The following ATP2A2 variants were observed in gnomAD, a reference collection of about 807,000 sequenced individuals.
ATP2A2 encodes ATPase sarcoplasmic/endoplasmic reticulum Ca2+ transporting 2, also known as sarcoplasmic/endoplasmic reticulum calcium ATPase 2.
In ATP2A2, 14 loss-of-function variants were observed where a neutral mutation model predicts 109.3. The ratio of observed to expected loss-of-function variants is 0.13; its 90% CI spans 0.08 to 0.20. ATP2A2 has a LOEUF of 0.20. Ranked by LOEUF, ATP2A2 falls within the 10% of genes least tolerant of loss-of-function variation. ATP2A2 has a pLI of 1.00. For synonymous variants in ATP2A2, 506 were observed against 490.9 expected (o/e 1.03, Z -0.41); for missense variants, 657 against 1,321.6 (o/e 0.50, Z 7.80).
chr12:110,320,029 G>C (rs866831712), intron 5 of ATP2A2, among the ~76,000 whole-genome samples: 1 of 152,080 alleles, frequency 6.6e-6, no homozygotes, highest in Non-Finnish European at 1.5e-5. Flanking sequence ...AGCATTTTGG[G>C]TAAGGGATAC....
chr12:110,311,819 C>A (rs187836066), intron 5 of ATP2A2, among the ~76,000 whole-genome samples: 1 of 151,304 alleles, frequency 6.6e-6, no homozygotes, highest in East Asian at 1.9e-4. Flanking sequence ...AGGAGGATCA[C>A]TTGAGCCCAG....
intron 5 of ATP2A2, among the ~76,000 whole-genome samples, chr12:110,311,595 CAAAAAAAAAAAAAAA>C (rs67023919): frequency 2.8e-4 from 7 of 25,222 alleles, no homozygotes; most frequent in East Asian, 2.4e-3. Context: ...GACTCCATCT[CAAAAAAAAAAAAAAA>C]AAAAAAAAAA....
chr12:110,288,822 T>C (rs1180441233), intron 3 of ATP2A2, among the ~76,000 whole-genome samples: 1 of 152,228 alleles, frequency 6.6e-6, no homozygotes, highest in Non-Finnish European at 1.5e-5. Context: ...TGAACTCACA[T>C]TACTATAGTA....
At chr12:110,313,182 C>A (rs906151402) in intron 5 of ATP2A2, among the ~76,000 whole-genome samples, 1 of 152,098 alleles carries the variant, frequency 6.6e-6, no homozygotes, top group African/African-American at 2.4e-5. Flanking sequence ...CTGTAATCAC[C>A]TCCTCTCTAC....
In ATP2A2 at chr12:110,282,730, C is replaced by T; in HGVS notation, c.154C>T (p.Leu52Phe). Residue 52 changes from leucine (L) to phenylalanine (F), a missense_variant, in exon 3 of 20, where the codon CTT (leucine) becomes TTT (phenylalanine). Physicochemically the swap from Leu to Phe is conservative, Grantham distance 22 (BLOSUM62 0). Coordinates refer to ENST00000539276, the MANE Select transcript of ATP2A2 (RefSeq NM_170665.4). ...PAEEGKTLLE[L>F]VIEQFEDLLV... is the part of the protein sequence containing the mutation. Reference sequence around the variant, plus strand: ...TCTTACAGGAAAAACCTTGCTGGAACTTGTGATTGAGCAGTTTGAAGACTT... The same window carrying T: ...TCTTACAGGAAAAACCTTGCTGGAATTTGTGATTGAGCAGTTTGAAGACTT... The T allele has an allele frequency of 6.2e-7, 1 of 1,614,026 alleles. No individual in the cohort carries two copies. The highest frequency in any genetic ancestry group is 1.1e-5 in the South Asian group (1 of 91,080).
At position 110,319,223 on chromosome 12, in the gene ATP2A2, GAAAAAAAAAA is replaced by G. The variant is rs59623372; in HGVS notation, c.464-3755_464-3746del. Reference sequence around the variant, plus strand: ...GACCCTGTCTGTAAGAATAAAAAATGAAAAAAAAAAAAAAAAAAAAAAAGTGGATTCCTAG... The same window carrying G: ...GACCCTGTCTGTAAGAATAAAAAATGAAAAAAAAAAAAAGTGGATTCCTAG... On this transcript the variant is annotated intron_variant, in intron 5 of 19. Transcript: ENST00000539276. Among the ~76,000 whole-genome samples the G allele has an allele frequency of 3.2e-3, 204 of 63,442 alleles. 1 individual carries two copies. Among genetic ancestry groups the G allele is most frequent in the Non-Finnish European group, 4.2e-3 (142 of 33,840 alleles). The allele number at this position is 63,442 out of a possible 152,430, so 41.6% of individuals were successfully genotyped here.
In ATP2A2 at chr12:110,349,815, T is replaced by C; in HGVS notation, c.*3345T>C. The C allele has an allele frequency of 9.6e-7, 1 of 1,038,014 alleles. No individual in the cohort carries two copies. The highest frequency in any genetic ancestry group is 1.2e-6 in the Non-Finnish European group (1 of 861,282). The allele number at this position is 1,038,014 out of a possible 1,614,324, so 64.3% of individuals were successfully genotyped here. A position where few individuals can be genotyped will look rare whatever the true frequency, so the allele number is the denominator to read the frequency against. ...AAGAAGGGTAGGCTTCACCCTCCTT[T>C]ACTGAGGAGAATGATGCGGAGGAGT... On this transcript the variant is annotated 3_prime_UTR_variant, in exon 20 of 20. Transcript: ENST00000539276.
chr12:110,300,643 C>CTTTT (rs537191134), intron 5 of ATP2A2, among the ~76,000 whole-genome samples: 3 of 131,236 alleles, frequency 2.3e-5, no homozygotes, highest in Middle Eastern at 4.2e-3. Flanking sequence ...CATGCCCGGC[C>CTTTT]TTTTTTTTTT....
At position 110,281,750 on chromosome 12, in the gene ATP2A2, C is replaced by T. The variant is rs999674595; in HGVS notation, c.-40C>T. On this transcript the variant is annotated 5_prime_UTR_variant, in exon 1 of 20. Transcript: ENST00000539276. ...GAGTGCGAGGCGGAGGCGAGGAGGC[C>T]GCGGGGACGGGAGGCGAGGCCGGCC... 5.6e-6 allele frequency: 8 copies of T among 1,417,324 alleles called. No individual in the cohort carries two copies. Among genetic ancestry groups the T allele is most frequent in the Admixed American group, 2.6e-5 (1 of 38,686 alleles). The allele number at this position is 1,417,324 out of a possible 1,614,324, so 87.8% of individuals were successfully genotyped here.
At chr12:110,325,962 G>A (rs1270023124) in intron 6 of ATP2A2, 5 of 198,352 alleles carry the variant, frequency 2.5e-5, no homozygotes, top group Admixed American at 1.6e-4. Context: ...CACCAGCCCG[G>A]GTGATAGAGC....
At chr12:110,325,259 T>G (rs2137809371) in intron 6 of ATP2A2, among the ~76,000 whole-genome samples, 1 of 152,310 alleles carries the variant, frequency 6.6e-6, no homozygotes, top group East Asian at 1.9e-4. Flanking sequence ...AGAGTGAAGT[T>G]TGCTACCTGT....
At chr12:110,303,437 A>C (rs1252430792) in intron 5 of ATP2A2, among the ~76,000 whole-genome samples, 1 of 151,638 alleles carries the variant, frequency 6.6e-6, no homozygotes. Context: ...TTTTGAGACG[A>C]GTCTCGCTCT....
At chr12:110,298,199 T>G (rs1045990688) in intron 5 of ATP2A2, among the ~76,000 whole-genome samples, 14 of 152,332 alleles carry the variant, frequency 9.2e-5, no homozygotes, top group Admixed American at 9.2e-4. Context: ...TCTACAACTT[T>G]GGCCTCTGAA....
intron 4 of ATP2A2, among the ~76,000 whole-genome samples, chr12:110,293,688 G>T (rs1425787349): frequency 5.3e-5 from 8 of 151,420 alleles, no homozygotes; most frequent in African/African-American, 1.9e-4. Flanking sequence ...GAGCCACCAC[G>T]CCCGACACAT....
chr12:110,333,807 A>G (rs903724493), intron 10 of ATP2A2, among the ~76,000 whole-genome samples: 4 of 152,212 alleles, frequency 2.6e-5, no homozygotes, highest in African/African-American at 9.6e-5. Context: ...TGAAAAACCT[A>G]CTTATTAGAA....
chr12:110,316,057 A>T (rs569820642), intron 5 of ATP2A2, among the ~76,000 whole-genome samples: 1 of 152,376 alleles, frequency 6.6e-6, no homozygotes, highest in South Asian at 2.1e-4. Flanking sequence ...ACTGCACTCC[A>T]GCCTGGGCAA....
At position 110,309,140 on chromosome 12, in the gene ATP2A2, A is replaced by ATTTT. The variant is rs10665212; in HGVS notation, c.463+12435_463+12438dup. ...ATGGAGAGAGAGTTTAAGGAAACTA[A>ATTTT]TTTTTTTTTTTTTTTTTTTTTTTTT... On this transcript the variant is annotated intron_variant, in intron 5 of 19. Transcript: ENST00000539276. Among the ~76,000 whole-genome samples, 436 of 48,928 alleles carry ATTTT rather than the reference A, an allele frequency of 8.9e-3. 61 individuals are homozygous for ATTTT. The highest frequency in any genetic ancestry group is 0.024 in the East Asian group (27 of 1,118). The allele number at this position is 48,928 out of a possible 152,430, so 32.1% of individuals were successfully genotyped here. A position where few individuals can be genotyped will look rare whatever the true frequency, so the allele number is the denominator to read the frequency against.
intron 5 of ATP2A2, among the ~76,000 whole-genome samples, chr12:110,304,556 G>A (rs1875053083): frequency 6.6e-6 from 1 of 152,058 alleles, no homozygotes; most frequent in African/African-American, 2.4e-5. Flanking sequence ...CTTTTCATGT[G>A]GCTATTGTCC....
At chr12:110,334,586 C>CTTTTTTTT (rs67776124) in intron 11 of ATP2A2, among the ~76,000 whole-genome samples, 1 of 114,538 alleles carries the variant, frequency 8.7e-6, no homozygotes. Context: ...TCAATTAAAC[C>CTTTTTTTT]TTTTTTTTTT....
Sources: gnomAD v4.1 joint callset for allele counts (sites outside exome capture counted in the v4.1 genomes callset) on GRCh38, gnomAD v4.1.1 for gene constraint, MANE v1.5 for transcripts, NCBI Gene and HGNC (gene_info 2026-07-23, HGNC 2026-07-21) for gene names.